Variants in PSG1 observed in about 807,000 individuals in gnomAD.
PSG1 encodes the protein pregnancy-specific beta-1-glycoprotein 1.
In PSG1, 60 loss-of-function variants were observed where a neutral mutation model predicts 41.4. The observed-to-expected ratio is 1.45, with a 90% CI of 1.18 to 1.80. PSG1 has a LOEUF of 1.80. Among genes scored for constraint, PSG1 ranks in the 40% most tolerant of loss-of-function variants. PSG1 has a pLI of 0.00. For missense variants in PSG1, 806 were observed against 516.9 expected, an observed-to-expected ratio of 1.56 and a Z score of -5.42; for synonymous variants, 256 against 192.9, an observed-to-expected ratio of 1.33 and a Z score of -2.71.
intron 3 of PSG1, among the ~76,000 whole-genome samples, chr19:42,871,448 C>T (rs546481270): frequency 6.6e-6 from 1 of 151,732 alleles, no homozygotes; most frequent in East Asian, 1.9e-4. Flanking sequence ...TCACAGTGAC[C>T]CTGTGAGCCA....
Position 42,878,198 on chromosome 19 carries a change from TC to T in PSG1, c.144del (p.Lys49ArgfsTer24), listed in dbSNP as rs1405052758. ...IEAEPTKVSE[G>X]KDVLLLVHNL... ...TTGTGGACAAGTAGAAGAACATCCT[TC>T]CCCTCGGAAACTTTGGTTGGCTCGG... On this transcript the variant is annotated frameshift_variant, in exon 2 of 6. Transcript: ENST00000436291. LOFTEE classifies it high-confidence loss of function. 6.2e-7 allele frequency: 1 copy of T among 1,611,996 alleles called. No homozygotes were observed. The highest frequency in any genetic ancestry group is 1.1e-5 in the South Asian group (1 of 90,778).
rs916098045 is a variant in PSG1 at position 42,874,415 on chromosome 19, C to T, written c.431-2370G>A. Among the ~76,000 whole-genome samples, 8 of 151,474 alleles carry T rather than the reference C, an allele frequency of 5.3e-5. 1 individual carries two copies. Among genetic ancestry groups the T allele is most frequent in the African/African-American group, 1.9e-4 (8 of 41,174 alleles). On this transcript the variant is annotated intron_variant, in intron 2 of 5. Transcript: ENST00000436291. ...CGGCTGCAGTGCAGTGGCATGATCTCAGCTCACTGCAAGCTCTGCCTCCTG... is the reference window on the plus strand; with the variant it reads ...CGGCTGCAGTGCAGTGGCATGATCTTAGCTCACTGCAAGCTCTGCCTCCTG...
At position 42,868,672 on chromosome 19, in the gene PSG1, C is replaced by A. The variant is rs550135646; in HGVS notation, c.988+84G>T. 8.8e-6 allele frequency: 14 copies of A among 1,587,644 alleles called. 1 individual carries two copies. Among genetic ancestry groups the A allele is most frequent in the Admixed American group, 8.6e-5 (5 of 58,466 alleles). On this transcript the variant is annotated intron_variant, in intron 4 of 5. Transcript: ENST00000436291. The stretch of plus-strand genomic sequence containing the variant: ...AGAAGTAAAGGTGTCTATACTTGGA[C>A]CGGAGAGAGACTGAGAGGCCTGGCA...
chr19:42,878,122 T>A lies in PSG1; in HGVS notation c.221A>T (p.Asp74Val), dbSNP rs188488412. The A allele has an allele frequency of 6.2e-7, 1 of 1,612,146 alleles. No homozygotes were observed. The highest frequency in any genetic ancestry group is 8.5e-7 in the Non-Finnish European group (1 of 1,179,146). ...GYIWYKGQMR[D>V]LYHYITSYVV... ...ATATGATGTAATGTAATGGTAGAGGTCCCTCATTTGCCCTTTGTACCAGAT... is the reference window on the plus strand; with the variant it reads ...ATATGATGTAATGTAATGGTAGAGGACCCTCATTTGCCCTTTGTACCAGAT... Residue 74 changes from aspartate to valine, a missense_variant, in exon 2 of 6, where the codon GAC becomes GTC. Physicochemically the swap from Asp to Val is radical, Grantham distance 152. Coordinates refer to ENST00000436291, the MANE Select transcript of PSG1 (RefSeq NM_001184825.2).
intron 2 of PSG1, among the ~76,000 whole-genome samples, chr19:42,877,234 T>G (rs1971646452): frequency 6.6e-6 from 1 of 151,624 alleles, no homozygotes. Context: ...TCTGGGGACA[T>G]TAGTCTTTCT....
chr19:42,866,849 G>A lies in PSG1; in HGVS notation c.*285C>T. 1 of 625,560 alleles carries A rather than the reference G, an allele frequency of 1.6e-6. No homozygotes were observed. Among genetic ancestry groups the A allele is most frequent in the Middle Eastern group, 4.2e-4 (1 of 2,358 alleles). The allele number at this position is 625,560 out of a possible 1,614,324, so 38.8% of individuals were successfully genotyped here. ...GGCATGAGCAAGGACAGTTAAGAGG[G>A]GGGAGAGCCTCATCATGATGGGGAG... On this transcript the variant is annotated 3_prime_UTR_variant, in exon 6 of 6. Coordinates refer to ENST00000436291, the MANE Select transcript of PSG1 (RefSeq NM_001184825.2).
At chr19:42,871,540 A>G (rs554093608) in intron 3 of PSG1, among the ~76,000 whole-genome samples, 1 of 151,780 alleles carries the variant, frequency 6.6e-6, no homozygotes, top group Admixed American at 6.6e-5. Context: ...TTCTCCCATC[A>G]CAAGCTGTGG....
intron 1 of PSG1, 128 bp downstream of exon 1, chr19:42,879,390 G>A: frequency 5.0e-6 from 7 of 1,413,290 alleles, no homozygotes; most frequent in Non-Finnish European, 6.8e-6. Context: ...CTGATCTCAT[G>A]ATCCACCCAC....
At chr19:42,867,461 A>G in intron 5 of PSG1, 1 of 575,306 alleles carries the variant, frequency 1.7e-6, no homozygotes, top group Non-Finnish European at 3.1e-6. Flanking sequence ...ATAGGAAGCC[A>G]AACCAAGGCT....
At position 42,868,786 on chromosome 19, in the gene PSG1, G is replaced by A. The variant is rs143678340; in HGVS notation, c.958C>T (p.Arg320Cys). Residue 320 changes from arginine to cysteine, a missense_variant, in exon 4 of 6, where the codon CGC becomes TGC. Physicochemically the swap from Arg to Cys is radical, Grantham distance 180. Coordinates refer to ENST00000436291, the MANE Select transcript of PSG1 (RefSeq NM_001184825.2). ...ACATTCAGGGTGACTGGGTCACTGC[G>A]GATGCCACCATATCGGTCCCGTATT... ...CEIRDRYGGI[R>C]SDPVTLNVLY... The A allele has an allele frequency of 2.6e-5, 42 of 1,612,008 alleles. 2 individuals are homozygous for A. The highest frequency in any genetic ancestry group is 3.4e-4 in the Middle Eastern group (2 of 5,928).
chr19:42,874,029 G>T (rs758363025), intron 2 of PSG1: 2 of 151,572 alleles, frequency 1.3e-5, no homozygotes, highest in Non-Finnish European at 2.9e-5. Flanking sequence ...ACAGTTATAG[G>T]TGGCACAGGC....
intron 2 of PSG1, among the ~76,000 whole-genome samples, chr19:42,873,703 A>G (rs996319963): frequency 1.3e-5 from 2 of 151,696 alleles, no homozygotes; most frequent in Non-Finnish European, 2.9e-5. Flanking sequence ...AGAGAGTCCC[A>G]TTGAAAGGAC....
chr19:42,868,182 G>A lies in PSG1; in HGVS notation c.1162C>T (p.His388Tyr). The stretch of plus-strand genomic sequence containing the variant: ...ACAGAGCAAACATAGAGCCCGCTAT[G>A]CTTTGTAGTAATATGGCGGATAAAG... The part of the protein sequence containing the change: ...KLFIRHITTK[H>Y]SGLYVCSVRN... The change falls in exon 5 of 6, where the codon CAT becomes TAT. Residue 388 changes from histidine to tyrosine, a missense_variant. His to Tyr is a moderately conservative substitution (Grantham distance 83, BLOSUM62 2). Coordinates refer to ENST00000436291, the MANE Select transcript of PSG1 (RefSeq NM_001184825.2). The A allele has an allele frequency of 3.7e-6, 6 of 1,612,404 alleles. No individual in the cohort carries two copies. Among genetic ancestry groups the A allele is most frequent in the Non-Finnish European group, 4.2e-6 (5 of 1,179,108 alleles).
chr19:42,867,383 T>C (rs2122482128), intron 5 of PSG1: 1 of 577,216 alleles, frequency 1.7e-6, no homozygotes, highest in Non-Finnish European at 3.1e-6. Context: ...TAGGCTGTCT[T>C]CTAAAATTTT....
intron 2 of PSG1, among the ~76,000 whole-genome samples, chr19:42,872,501 A>T (rs980762332): frequency 6.6e-6 from 1 of 151,544 alleles, no homozygotes; most frequent in Non-Finnish European, 1.5e-5. Context: ...GGAACTTCCC[A>T]TTGTCCTTAA....
chr19:42,875,367 A>G (rs1329111433), intron 2 of PSG1, among the ~76,000 whole-genome samples: 1 of 151,824 alleles, frequency 6.6e-6, no homozygotes, highest in Non-Finnish European at 1.5e-5. Flanking sequence ...AAATGTAGGC[A>G]CAGTTTCTAT....
chr19:42,873,377 G>A (rs983552043), intron 2 of PSG1, among the ~76,000 whole-genome samples: 4 of 151,610 alleles, frequency 2.6e-5, no homozygotes, highest in Non-Finnish European at 4.4e-5. Context: ...TGAGTTTTGA[G>A]CATTTCAGAT....
At chr19:42,867,890 G>A (rs1158847698) in intron 5 of PSG1, 1 of 1,434,878 alleles carries the variant, frequency 7.0e-7, no homozygotes, top group Non-Finnish European at 9.4e-7. Context: ...TTCCTGCTTG[G>A]TCTAGGCTGG....
Position 42,868,362 on chromosome 19 carries a change from C to T in PSG1, c.989-7G>A, listed in dbSNP as rs201282115. The T allele has an allele frequency of 1.3e-5, 21 of 1,602,882 alleles. No individual in the cohort carries two copies. In the East Asian group the frequency reaches 4.3e-4, roughly 32 times the overall value. Reference sequence around the variant, plus strand: ...CTGGGGAGGTCTGGACCATCTGGAGCAAAGAGAATAAAGCCACAGGTGATG... The same window carrying T: ...CTGGGGAGGTCTGGACCATCTGGAGTAAAGAGAATAAAGCCACAGGTGATG... On this transcript the variant is annotated splice_region_variant and splice_polypyrimidine_tract_variant and intron_variant, in intron 4 of 5. Coordinates refer to ENST00000436291, the MANE Select transcript of PSG1 (RefSeq NM_001184825.2).
Sources: gnomAD v4.1 joint callset for allele counts (sites outside exome capture counted in the v4.1 genomes callset) on GRCh38, gnomAD v4.1.1 for gene constraint, MANE v1.5 for transcripts, NCBI Gene and HGNC (gene_info 2026-07-23, HGNC 2026-07-21) for gene names.